Variants in COMMD7 observed in about 807,000 individuals in gnomAD.
COMMD7 encodes COMM domain-containing protein 7.
Under a neutral mutation model 34.8 loss-of-function variants are expected in COMMD7, and 28 were observed. The ratio of observed to expected loss-of-function variants is 0.80; its 90% CI spans 0.60 to 1.10. The LOEUF (loss-of-function observed/expected upper bound fraction) is 1.10, where lower values mean the gene tolerates loss of function less well. Ranked by LOEUF, COMMD7 falls within the 50% of genes least tolerant of loss-of-function variation. The pLI, the probability that COMMD7 is intolerant of heterozygous loss-of-function variation, is 0.00. For missense variants in COMMD7, 211 were observed against 241.6 expected, an observed-to-expected ratio of 0.87 and a Z score of 0.84; for synonymous variants, 80 against 86.4, an observed-to-expected ratio of 0.93 and a Z score of 0.41.
At position 32,703,478 on chromosome 20, in the gene COMMD7, C is replaced by T; in HGVS notation, c.527-20G>A. The T allele has an allele frequency of 6.2e-7, 1 of 1,608,604 alleles. No homozygotes were observed. Among genetic ancestry groups the T allele is most frequent in the Non-Finnish European group, 8.5e-7 (1 of 1,178,454 alleles). ...TTAATTCTGGGGAGAGAAAATTCAG[C>T]TTCAGATAAATGTTTCCAACTCCAC... is the stretch of plus-strand genomic sequence containing the variant. On this transcript the variant is annotated intron_variant, in intron 8 of 8. Transcript: ENST00000278980.
At chr20:32,708,182 C>A (rs1478680148) in intron 3 of COMMD7, among the ~76,000 whole-genome samples, 2 of 152,140 alleles carry the variant, frequency 1.3e-5, no homozygotes, top group African/African-American at 2.4e-5. Context: ...GAAAACAAAG[C>A]CAGCAATCTG....
At chr20:32,708,142 G>A (rs1353966410) in intron 3 of COMMD7, among the ~76,000 whole-genome samples, 2 of 152,158 alleles carry the variant, frequency 1.3e-5, no homozygotes, top group Non-Finnish European at 2.9e-5. Flanking sequence ...CCCTGTGGTG[G>A]TCACCTTGTT....
chr20:32,717,636 A>AT (rs1984877463), intron 3 of COMMD7, among the ~76,000 whole-genome samples: 1 of 151,126 alleles, frequency 6.6e-6, no homozygotes, highest in Admixed American at 6.6e-5. Flanking sequence ...AATTTTTTTT[A>AT]TTTTTTGTAG....
chr20:32,732,614 T>C lies in COMMD7; in HGVS notation c.85-4472A>G, dbSNP rs188543328. Among the ~76,000 whole-genome samples the C allele has an allele frequency of 2.0e-4, 30 of 151,226 alleles. No individual in the cohort carries two copies. In the East Asian group the frequency reaches 5.3e-3, roughly 27 times the overall value. On this transcript the variant is annotated intron_variant, in intron 1 of 8. Coordinates refer to ENST00000278980, the MANE Select transcript of COMMD7 (RefSeq NM_053041.3). ...GAGAGCCCATCTCTACAAATCATAA[T>C]AATACATTTAAATTTAAAAAGAAAA...
chr20:32,716,561 G>C (rs1386326460), intron 3 of COMMD7, among the ~76,000 whole-genome samples: 1 of 152,178 alleles, frequency 6.6e-6, no homozygotes, highest in Non-Finnish European at 1.5e-5. Context: ...CTTGCAGTGA[G>C]CCAAGATCGT....
chr20:32,736,978 C>T (rs1986157661), intron 1 of COMMD7, among the ~76,000 whole-genome samples: 1 of 151,618 alleles, frequency 6.6e-6, no homozygotes. Flanking sequence ...GTCAGGAGTT[C>T]GAGAGTAGCC....
intron 6 of COMMD7, 21 bp from the exon 7 acceptor site, chr20:32,704,510 A>AAGAG: frequency 1.8e-6 from 2 of 1,133,660 alleles, no homozygotes; most frequent in Non-Finnish European, 2.4e-6. Flanking sequence ...AAAAAAAAAA[A>AAGAG]AGAGAGAGAG....
In COMMD7 at chr20:32,714,124, CA is replaced by C. The variant is rs1172096973; in HGVS notation, c.242-7365del. 2.0e-5 allele frequency among the ~76,000 whole-genome samples: 3 copies of C among 151,704 alleles called. No homozygotes were observed. The East Asian group carries it at 5.8e-4, about 29-fold the overall frequency. On this transcript the variant is annotated intron_variant, in intron 3 of 8. Transcript: ENST00000278980. ...TGTGACTCTGTCTTAAAAACAAAAA[CA>C]AAAAAACCCCCAAAAAAGAAGGGGG...
At chr20:32,735,823 A>G (rs983830375) in intron 1 of COMMD7, among the ~76,000 whole-genome samples, 1 of 151,982 alleles carries the variant, frequency 6.6e-6, no homozygotes, top group Non-Finnish European at 1.5e-5. Flanking sequence ...TTTCACTTTG[A>G]TATCTTTGTA....
intron 1 of COMMD7, among the ~76,000 whole-genome samples, chr20:32,728,569 CTTT>C (rs1328055034): frequency 6.6e-6 from 1 of 151,148 alleles, no homozygotes; most frequent in East Asian, 1.9e-4. Flanking sequence ...TCTTTCTTTT[CTTT>C]TTTTTTCTTT....
At chr20:32,703,809 A>C in intron 8 of COMMD7, 1 of 1,529,194 alleles carries the variant, frequency 6.5e-7, no homozygotes, top group Non-Finnish European at 8.8e-7. Flanking sequence ...TCCCTTTTTC[A>C]AAACGGCTCT....
At chr20:32,723,074 G>GGTTCTGCACTTT (rs1600988681) in intron 3 of COMMD7, among the ~76,000 whole-genome samples, 31 of 35,750 alleles carry the variant, frequency 8.7e-4, no homozygotes, top group Non-Finnish European at 1.4e-3. Context: ...AAAGACTTGT[G>GGTTCTGCACTTT]ATCCTCTCCC....
At chr20:32,708,563 C>A (rs765490319) in intron 3 of COMMD7, among the ~76,000 whole-genome samples, 1 of 152,162 alleles carries the variant, frequency 6.6e-6, no homozygotes, top group African/African-American at 2.4e-5. Flanking sequence ...CAAATAACTC[C>A]TAACTACCAT....
chr20:32,721,858 C>A (rs776494801), intron 3 of COMMD7, among the ~76,000 whole-genome samples: 4 of 150,176 alleles, frequency 2.7e-5, no homozygotes, highest in Non-Finnish European at 5.9e-5. Context: ...AATCATGCTA[C>A]TGCGCTCCAG....
intron 1 of COMMD7, among the ~76,000 whole-genome samples, chr20:32,731,024 A>T (rs1165105829): frequency 1.3e-5 from 2 of 152,212 alleles, no homozygotes; most frequent in African/African-American, 4.8e-5. Flanking sequence ...TTATTCAAAA[A>T]TGTATTCTAT....
chr20:32,732,253 G>A (rs575219665), intron 1 of COMMD7, among the ~76,000 whole-genome samples: 4 of 152,126 alleles, frequency 2.6e-5, no homozygotes, highest in Admixed American at 2.6e-4. Context: ...TCCACATTGG[G>A]CTAATTTTTT....
intron 1 of COMMD7, 72 bp downstream of exon 1, chr20:32,743,236 G>GGGCCCCCCCCCCCCC: frequency 1.8e-6 from 1 of 555,858 alleles, no homozygotes. Context: ...ACCCCCGGAC[G>GGGCCCCCCCCCCCCC]TCCCCCCCAC....
intron 1 of COMMD7, among the ~76,000 whole-genome samples, chr20:32,738,950 T>G (rs930272486): frequency 1.3e-5 from 2 of 152,146 alleles, no homozygotes. Flanking sequence ...AGGCTAGTCT[T>G]GAACTCCTGT....
chr20:32,703,864 T>C, intron 8 of COMMD7, 159 bp downstream of exon 8: 5 of 1,548,984 alleles, frequency 3.2e-6, no homozygotes, highest in Non-Finnish European at 4.4e-6. Context: ...CTAACACTCC[T>C]TGTGCCATCT....
Sources: allele counts gnomAD v4.1 joint callset (sites outside exome capture counted in the v4.1 genomes callset), GRCh38; gene constraint gnomAD v4.1.1; transcripts MANE v1.5; gene names NCBI Gene and HGNC (gene_info 2026-07-23, HGNC 2026-07-21).